Variants in TAB2 observed in about 807,000 individuals in gnomAD.
TAB2 encodes TGF-beta-activated kinase 1 and MAP3K7-binding protein 2.
TAB2 carries 3 observed loss-of-function variants against 65.0 expected under a neutral mutation model. That is an observed-to-expected ratio of 0.05 (90% CI 0.02 to 0.12). The LOEUF (loss-of-function observed/expected upper bound fraction) is 0.12. Among genes scored for constraint, TAB2 ranks in the 10% least tolerant of loss-of-function variants. TAB2 has a pLI of 1.00. For synonymous variants in TAB2, 298 were observed against 285.1 expected (o/e 1.05, Z -0.46); for missense variants, 623 against 840.3 (o/e 0.74, Z 3.20).
intron 1 of TAB2, among the ~76,000 whole-genome samples, chr6:149,253,340 G>A (rs1364383294): frequency 6.6e-6 from 1 of 152,106 alleles, no homozygotes; most frequent in African/African-American, 2.4e-5. Context: ...TGTAGTTTTG[G>A]CCAGGCGCTG....
intron 1 of TAB2, among the ~76,000 whole-genome samples, chr6:149,328,090 A>G (rs1779671227): frequency 6.6e-6 from 1 of 152,210 alleles, no homozygotes; most frequent in Admixed American, 6.5e-5. Flanking sequence ...TAGTTGAAGT[A>G]ATTAGGTAGA....
rs960388335 is a variant in TAB2, at chr6:149,411,361, AT to A, written c.*1643del. On this transcript the variant is annotated 3_prime_UTR_variant, in exon 7 of 7. Transcript: ENST00000637181. ...TTGCATTTTGTATATGGGAAGAAAT[AT>A]GACAATCCTAGGTAATTAAACCATA... 70 of 152,602 alleles carry A rather than the reference AT, an allele frequency of 4.6e-4. 1 individual carries two copies. Among genetic ancestry groups the A allele is most frequent in the Non-Finnish European group, 4.1e-4 (28 of 68,032 alleles). 9.5% of individuals were successfully genotyped at this position (152,602 alleles called of 1,614,324 possible). A position where few individuals can be genotyped will look rare whatever the true frequency, so the allele number is the denominator to read the frequency against.
intron 1 of TAB2, chr6:149,246,671 C>T (rs114880808): frequency 2.1e-4 from 32 of 152,210 alleles, no homozygotes; most frequent in African/African-American, 7.0e-4. Flanking sequence ...AAGAGCTGGG[C>T]GCTCTTTTTT....
At chr6:149,296,175 G>T (rs1469638265) in intron 1 of TAB2, among the ~76,000 whole-genome samples, 1 of 152,218 alleles carries the variant, frequency 6.6e-6, no homozygotes, top group African/African-American at 2.4e-5. Context: ...ATCTGTGCTT[G>T]CTCCTGCCCG....
intron 1 of TAB2, among the ~76,000 whole-genome samples, chr6:149,238,307 A>G (rs1777536750): frequency 6.6e-6 from 1 of 152,098 alleles, no homozygotes. Context: ...CTTGCTCTAG[A>G]GGGCATCTGG....
intron 1 of TAB2, among the ~76,000 whole-genome samples, chr6:149,359,624 T>C (rs1780779695): frequency 6.6e-6 from 1 of 152,238 alleles, no homozygotes; most frequent in Admixed American, 6.5e-5. Flanking sequence ...CACATAGTAT[T>C]AAAACCCCAG....
intron 1 of TAB2, among the ~76,000 whole-genome samples, chr6:149,342,345 G>A (rs1780156001): frequency 6.6e-6 from 1 of 152,104 alleles, no homozygotes. Context: ...TCCAATTTTG[G>A]ATTTTGTTGT....
At chr6:149,255,251 A>G (rs1385516170) in intron 1 of TAB2, 2 of 151,768 alleles carry the variant, frequency 1.3e-5, no homozygotes, top group African/African-American at 4.9e-5. Flanking sequence ...TCAGGAGAGG[A>G]CATAGCAAGA....
intron 3 of TAB2, among the ~76,000 whole-genome samples, chr6:149,394,760 T>G (rs1179220349): frequency 6.6e-6 from 1 of 152,232 alleles, no homozygotes. Flanking sequence ...TTGAGTCCTT[T>G]TATTTTGAAC....
chr6:149,327,219 C>G (rs1033006045), intron 1 of TAB2, among the ~76,000 whole-genome samples: 2 of 152,086 alleles, frequency 1.3e-5, no homozygotes, highest in Admixed American at 1.3e-4. Flanking sequence ...GGGTTGTCAT[C>G]ATTATAAAAT....
intron 1 of TAB2, among the ~76,000 whole-genome samples, chr6:149,286,183 G>A (rs145363130): frequency 1.5e-4 from 23 of 152,078 alleles, no homozygotes; most frequent in African/African-American, 4.8e-4. Flanking sequence ...TGTTATTAAC[G>A]TCATGGTCTT....
chr6:149,369,009 G>T (rs1280249824), intron 1 of TAB2, among the ~76,000 whole-genome samples: 1 of 152,092 alleles, frequency 6.6e-6, no homozygotes, highest in Non-Finnish European at 1.5e-5. Context: ...TTAGGCTTAT[G>T]TTAACGAGGT....
chr6:149,375,178 A>AG (rs1169661509), intron 2 of TAB2, among the ~76,000 whole-genome samples: 4 of 152,286 alleles, frequency 2.6e-5, no homozygotes, highest in South Asian at 4.1e-4. Flanking sequence ...CTAGTTTGGT[A>AG]GGGGGAGTAG....
chr6:149,254,727 T>C (rs1303942595), intron 1 of TAB2, among the ~76,000 whole-genome samples: 1 of 152,236 alleles, frequency 6.6e-6, no homozygotes, highest in Non-Finnish European at 1.5e-5. Context: ...TGAAATCAGT[T>C]GAGGTATTTT....
intron 1 of TAB2, among the ~76,000 whole-genome samples, chr6:149,235,555 T>A (rs992152256): frequency 1.3e-5 from 2 of 152,220 alleles, no homozygotes; most frequent in African/African-American, 4.8e-5. Flanking sequence ...AGCAAAAAGA[T>A]ACATTGGTTG....
At chr6:149,252,614 A>G (rs1349842993) in intron 1 of TAB2, among the ~76,000 whole-genome samples, 53 of 152,186 alleles carry the variant, frequency 3.5e-4, no homozygotes, top group Non-Finnish European at 2.9e-5. Flanking sequence ...GGTTTTTAAA[A>G]ATATTTTATA....
chr6:149,278,959 G>C (rs1007643001), intron 1 of TAB2, among the ~76,000 whole-genome samples: 2 of 152,098 alleles, frequency 1.3e-5, no homozygotes, highest in African/African-American at 4.8e-5. Context: ...GATAAAAGAA[G>C]AAATAAAGTT....
chr6:149,254,484 A>G (rs555099925), intron 1 of TAB2, among the ~76,000 whole-genome samples: 1 of 152,294 alleles, frequency 6.6e-6, no homozygotes, highest in South Asian at 2.1e-4. Context: ...CTCTCTCCAC[A>G]TTATTCCAAC....
chr6:149,317,253 A>T (rs1000250369), upstream of TAB2, among the ~76,000 whole-genome samples: 12 of 152,028 alleles, frequency 7.9e-5, no homozygotes, highest in Non-Finnish European at 1.8e-4. This position sits in a 1 kb window ranked among gnomAD's most constrained non-coding sequence, Gnocchi z 4.7. Flanking sequence ...AGGCGGAGAA[A>T]GGGGGTCCCA....
Sources: allele counts gnomAD v4.1 joint callset (sites outside exome capture counted in the v4.1 genomes callset), GRCh38; gene constraint gnomAD v4.1.1; non-coding constraint Gnocchi (gnomAD v3.1); transcripts MANE v1.5; gene names NCBI Gene and HGNC (gene_info 2026-07-23, HGNC 2026-07-21).